The following GLIS3 variants were observed in gnomAD, a reference collection of about 807,000 sequenced individuals.
The protein encoded by GLIS3 is zinc finger protein GLIS3.
GLIS3 carries 53 observed loss-of-function variants against 78.6 expected under a neutral mutation model. The observed-to-expected ratio is 0.67, with a 90% CI of 0.54 to 0.85. The LOEUF (loss-of-function observed/expected upper bound fraction) is 0.85. Among genes scored for constraint, GLIS3 ranks in the 40% least tolerant of loss-of-function variants. The pLI is 0.00. For missense variants in GLIS3, 1,703 were observed against 1,231.1 expected (o/e 1.38, Z -5.74); for synonymous variants, 684 against 509.9 (o/e 1.34, Z -4.60).
chr9:4,245,582 T>C (rs975089015), intron 2 of GLIS3, among the ~76,000 whole-genome samples: 2 of 152,176 alleles, frequency 1.3e-5, no homozygotes, highest in African/African-American at 4.8e-5. Context: ...TTTTCTTAAA[T>C]GAGTGAGTAA....
chr9:4,118,745 C>A lies in GLIS3; in HGVS notation c.733G>T (p.Gly245Cys). 6.2e-7 allele frequency: 1 copy of A among 1,613,918 alleles called. No homozygotes were observed. The highest frequency in any genetic ancestry group is 8.5e-7 in the Non-Finnish European group (1 of 1,180,016). Residue 245 changes from glycine to cysteine, a missense_variant, in exon 4 of 11, where the codon GGC becomes TGC. By Grantham distance (159) the Gly-to-Cys change is radical (BLOSUM62 -3). Coordinates refer to ENST00000381971, the MANE Select transcript of GLIS3 (RefSeq NM_001042413.2). This position sits in a 1 kb window ranked among gnomAD's most constrained non-coding sequence, Gnocchi z 4.7. ...CTAAGGAGATCCCCTAGATCAAGGC[C>A]ATTCTGAGAGCCGTGGTTGGAGAGC... ...PSLSNHGSQNGLDLGDLLSLP... is the reference protein window; with the variant it reads ...PSLSNHGSQNCLDLGDLLSLP...
At chr9:4,011,252 G>A (rs1048703722) in intron 4 of GLIS3, among the ~76,000 whole-genome samples, 4 of 152,182 alleles carry the variant, frequency 2.6e-5, no homozygotes, top group African/African-American at 7.2e-5. Flanking sequence ...GCTGAGGTGT[G>A]GCACTGGAGA....
At chr9:4,169,581 G>A (rs1245046382) in intron 2 of GLIS3, among the ~76,000 whole-genome samples, 1 of 152,200 alleles carries the variant, frequency 6.6e-6, no homozygotes, top group Non-Finnish European at 1.5e-5. Context: ...TTAGGTAACA[G>A]TATTTATCAC....
intron 2 of GLIS3, among the ~76,000 whole-genome samples, chr9:4,187,104 T>C (rs1254106363): frequency 6.6e-6 from 1 of 152,230 alleles, no homozygotes; most frequent in Non-Finnish European, 1.5e-5. Flanking sequence ...GCCTAGGTTT[T>C]CTTCCAGGGT....
the GLIS3 span, among the ~76,000 whole-genome samples, chr9:4,445,779 C>A: frequency 6.6e-6 from 1 of 152,198 alleles, no homozygotes; most frequent in East Asian, 1.9e-4. Flanking sequence ...GAATCCTTCT[C>A]AAGTACACAC....
At chr9:4,402,736 A>T in the GLIS3 span, among the ~76,000 whole-genome samples, 1 of 152,202 alleles carries the variant, frequency 6.6e-6, no homozygotes, top group Non-Finnish European at 1.5e-5. Flanking sequence ...CAGAAGAAAG[A>T]CTTATTGAGC....
At chr9:4,268,848 G>C (rs1166793208) in intron 2 of GLIS3, among the ~76,000 whole-genome samples, 6 of 152,104 alleles carry the variant, frequency 3.9e-5, no homozygotes, top group African/African-American at 1.4e-4. Flanking sequence ...CTAGGTTCTG[G>C]TATCTCCCAA....
At chr9:4,464,134 G>GT in the GLIS3 span, among the ~76,000 whole-genome samples, 5 of 151,638 alleles carry the variant, frequency 3.3e-5, no homozygotes, top group Admixed American at 6.6e-5. Context: ...TCTGTGTCAG[G>GT]TTTTTTTTAT....
chr9:4,460,825 G>C, the GLIS3 span, among the ~76,000 whole-genome samples: 4 of 152,258 alleles, frequency 2.6e-5, no homozygotes, highest in Middle Eastern at 0.01. Flanking sequence ...CAAATCTGGA[G>C]TGTTTTTAAT....
intron 1 of GLIS3, among the ~76,000 whole-genome samples, chr9:4,288,280 AC>A (rs1328047586): frequency 6.6e-6 from 1 of 152,126 alleles, no homozygotes; most frequent in Non-Finnish European, 1.5e-5. Flanking sequence ...TTTTCTGAGC[AC>A]TCTGAACCCT....
At chr9:4,212,740 T>G (rs528696734) in intron 2 of GLIS3, among the ~76,000 whole-genome samples, 1 of 152,230 alleles carries the variant, frequency 6.6e-6, no homozygotes, top group East Asian at 1.9e-4. Flanking sequence ...ATAGAACATG[T>G]GAGGAACGGA....
chr9:4,298,306 T>C (rs991426258), intron 1 of GLIS3: 2 of 453,182 alleles, frequency 4.4e-6, no homozygotes, highest in Non-Finnish European at 8.9e-6. Context: ...GCTTCTCGCC[T>C]CCCAAACACC....
At chr9:4,450,922 T>C in the GLIS3 span, among the ~76,000 whole-genome samples, 1 of 152,192 alleles carries the variant, frequency 6.6e-6, no homozygotes, top group Non-Finnish European at 1.5e-5. Flanking sequence ...CCATCAATGC[T>C]AGAAAGAAAC....
At chr9:4,349,272 T>C (rs898782674), upstream of GLIS3, among the ~76,000 whole-genome samples, 2 of 152,244 alleles carry the variant, frequency 1.3e-5, no homozygotes, top group Non-Finnish European at 2.9e-5. Flanking sequence ...TGCAGACTAA[T>C]GTTATTTAAA....
the GLIS3 span, among the ~76,000 whole-genome samples, chr9:4,403,269 G>C: frequency 3.9e-5 from 6 of 152,106 alleles, no homozygotes; most frequent in Admixed American, 2.6e-4. Context: ...AAAAGCTGAG[G>C]GATTTTATCA....
chr9:4,423,932 C>T, the GLIS3 span, among the ~76,000 whole-genome samples: 1 of 152,194 alleles, frequency 6.6e-6, no homozygotes, highest in Non-Finnish European at 1.5e-5. Context: ...GATGACCAAA[C>T]AATGACCCTA....
the GLIS3 span, among the ~76,000 whole-genome samples, chr9:4,375,166 G>T: frequency 6.6e-6 from 1 of 152,148 alleles, no homozygotes; most frequent in African/African-American, 2.4e-5. Context: ...ATTCTTTCAG[G>T]AGTGCTGACC....
intron 2 of GLIS3, among the ~76,000 whole-genome samples, chr9:4,245,602 GAAAC>G (rs990335885): frequency 4.6e-5 from 7 of 152,154 alleles, no homozygotes; most frequent in Non-Finnish European, 8.8e-5. Context: ...AAGAACAATG[GAAAC>G]AAACAAGCAA....
chr9:4,449,269 G>A, the GLIS3 span, among the ~76,000 whole-genome samples: 1 of 152,158 alleles, frequency 6.6e-6, no homozygotes, highest in Non-Finnish European at 1.5e-5. Flanking sequence ...CCAGGGAGAG[G>A]GGCATCTGCC....
Sources: gnomAD v4.1 joint callset for allele counts (sites outside exome capture counted in the v4.1 genomes callset) on GRCh38, gnomAD v4.1.1 for gene constraint, Gnocchi (gnomAD v3.1) non-coding constraint, MANE v1.5 for transcripts, NCBI Gene and HGNC (gene_info 2026-07-23, HGNC 2026-07-21) for gene names.